Variants in NUP42 observed in about 807,000 individuals in gnomAD.
NUP42 encodes the protein nucleoporin NUP42.
A neutral mutation model predicts 35.9 loss-of-function variants in NUP42; 47 were observed. The observed-to-expected ratio is 1.31, with a 90% CI of 1.04 to 1.67. NUP42 has a LOEUF of 1.67. Ranked by LOEUF, NUP42 falls within the 40% of genes most tolerant of loss-of-function variation. The pLI is 0.00. For synonymous variants in NUP42, 173 were observed against 173.3 expected, an observed-to-expected ratio of 1.00 and a Z score of 0.01; for missense variants, 514 against 492.2, an observed-to-expected ratio of 1.04 and a Z score of -0.42.
At chr7:23,183,465 C>T (rs111897200) in intron 1 of NUP42, among the ~76,000 whole-genome samples, 2 of 152,202 alleles carry the variant, frequency 1.3e-5, no homozygotes, top group African/African-American at 4.8e-5. Flanking sequence ...AGGTGATACT[C>T]CCGCTTCCGT....
intron 2 of NUP42, among the ~76,000 whole-genome samples, chr7:23,185,931 G>A (rs1785577833): frequency 6.6e-6 from 1 of 151,950 alleles, no homozygotes; most frequent in Admixed American, 6.6e-5. Context: ...GTAGAGATAG[G>A]GTTTTACCAT....
intron 1 of NUP42, among the ~76,000 whole-genome samples, chr7:23,184,694 T>C (rs770343693): frequency 6.6e-6 from 1 of 152,198 alleles, no homozygotes; most frequent in Non-Finnish European, 1.5e-5. Context: ...TAAGATATAA[T>C]GAAGATTTTT....
rs371807982 is a variant in NUP42, at chr7:23,185,270, G to T, written c.322G>T (p.Asp108Tyr). 1 of 1,612,660 alleles carries T rather than the reference G, an allele frequency of 6.2e-7. No homozygotes were observed. ...GAACCCATTTGCTTCACTTAGTCCTGATGAGCAGAAAGATGAAAAGAAACT... is the reference window on the plus strand; with the variant it reads ...GAACCCATTTGCTTCACTTAGTCCTTATGAGCAGAAAGATGAAAAGAAACT... ...SENPFASLSP[D>Y]EQKDEKKLLE... is the part of the protein sequence containing the mutation. The change falls in exon 2 of 7, where the codon GAT (aspartate) becomes TAT (tyrosine). Residue 108 changes from aspartate to tyrosine, a missense_variant. By Grantham distance (160) the Asp-to-Tyr change is radical. Coordinates refer to ENST00000258742, the MANE Select transcript of NUP42 (RefSeq NM_007342.3).
chr7:23,190,707 G>A (rs780590829), intron 3 of NUP42, among the ~76,000 whole-genome samples: 1 of 152,070 alleles, frequency 6.6e-6, no homozygotes, highest in Non-Finnish European at 1.5e-5. Context: ...TGCTTTTGGT[G>A]TTTTAGACAT....
intron 1 of NUP42, among the ~76,000 whole-genome samples, chr7:23,184,435 G>C (rs1244811680): frequency 6.6e-6 from 1 of 152,144 alleles, no homozygotes; most frequent in Admixed American, 6.5e-5. Flanking sequence ...TATGATGCAT[G>C]CCTTCTGTCA....
In NUP42 at chr7:23,182,599, G is replaced by GA. The variant is rs750081440; in HGVS notation, c.121+399dup. 14 of 786,846 alleles carry GA rather than the reference G, an allele frequency of 1.8e-5. 1 individual carries two copies. In the East Asian group the frequency reaches 8.6e-4, roughly 48 times the overall value. The allele number at this position is 786,846 out of a possible 1,614,324, so 48.7% of individuals were successfully genotyped here. A position where few individuals can be genotyped will look rare whatever the true frequency, so the allele number is the denominator to read the frequency against. The stretch of plus-strand genomic sequence containing the variant: ...TTTTGGAGAAGTCGTGGACTTCTTT[G>GA]AAAAAATCTAATAAAACCGGCCGGG... On this transcript the variant is annotated intron_variant, in intron 1 of 6. Transcript: ENST00000258742.
chr7:23,192,738 C>T (rs993725972), intron 3 of NUP42, among the ~76,000 whole-genome samples: 2 of 151,250 alleles, frequency 1.3e-5, no homozygotes, highest in African/African-American at 4.8e-5. Context: ...TACAAGTGGC[C>T]CCTGTACAAG....
chr7:23,188,548 T>C, intron 3 of NUP42: 1 of 984,710 alleles, frequency 1.0e-6, no homozygotes, highest in Non-Finnish European at 1.2e-6. Context: ...TTCCTGAATA[T>C]AGTTGTCAGA....
chr7:23,182,500 G>T, intron 1 of NUP42: 13 of 1,158,954 alleles, frequency 1.1e-5, no homozygotes, highest in Non-Finnish European at 1.4e-5. Context: ...GTAAATGCCG[G>T]AATTGAATAT....
chr7:23,200,527 T>C lies in NUP42; in HGVS notation c.1054T>C (p.Ser352Pro). Residue 352 changes from serine to proline, a missense_variant, in exon 7 of 7, where the codon TCT (serine) becomes CCT (proline). Physicochemically the swap from Ser to Pro is moderately conservative, Grantham distance 74. Transcript: ENST00000258742. ...TGGTTTTGGTAGTCCGGGCTCACAT[T>C]CTCACACTGCTTTTTCTAAGCCATC... ...VAGFGSPGSH[S>P]HTAFSKPSSD... The C allele has an allele frequency of 1.2e-6, 2 of 1,614,086 alleles. No homozygotes were observed. The highest frequency in any genetic ancestry group is 1.7e-6 in the Non-Finnish European group (2 of 1,179,952).
intron 1 of NUP42, among the ~76,000 whole-genome samples, chr7:23,183,192 G>C (rs1208357839): frequency 1.3e-5 from 2 of 152,028 alleles, no homozygotes; most frequent in Non-Finnish European, 2.9e-5. Flanking sequence ...TTAATAATTC[G>C]GTGCTGTCTC....
chr7:23,198,610 G>A (rs1293435995), intron 5 of NUP42, among the ~76,000 whole-genome samples: 1 of 152,198 alleles, frequency 6.6e-6, no homozygotes, highest in Non-Finnish European at 1.5e-5. Flanking sequence ...AAAGTTCCTT[G>A]AAAGTAGGAT....
chr7:23,190,754 A>G (rs981130505), intron 3 of NUP42, among the ~76,000 whole-genome samples: 6 of 152,206 alleles, frequency 3.9e-5, no homozygotes, highest in Non-Finnish European at 5.9e-5. Flanking sequence ...AAACCTGCAC[A>G]TTGTGCACAT....
intron 3 of NUP42, chr7:23,188,010 T>G: frequency 1.9e-6 from 2 of 1,051,148 alleles, no homozygotes; most frequent in Non-Finnish European, 2.7e-6. Context: ...ATTTTTTATT[T>G]TTATTTTTTT....
Position 23,195,916 on chromosome 7 carries a change from G to A in NUP42, c.522+1G>A. 1 of 1,570,114 alleles carries A rather than the reference G, an allele frequency of 6.4e-7. No homozygotes were observed. Among genetic ancestry groups the A allele is most frequent in the South Asian group, 1.1e-5 (1 of 87,826 alleles). Reference sequence around the variant, plus strand: ...AACCAGCAATAACTTACAGAGTTATGTAAGTTTGTTTCCTATTAATCTACT... The same window carrying A: ...AACCAGCAATAACTTACAGAGTTATATAAGTTTGTTTCCTATTAATCTACT... On this transcript the variant is annotated splice_donor_variant, in intron 4 of 6. Coordinates refer to ENST00000258742, the MANE Select transcript of NUP42 (RefSeq NM_007342.3). LOFTEE classifies it high-confidence loss of function.
intron 3 of NUP42, chr7:23,188,486 C>T (rs1785681598): frequency 1.0e-6 from 1 of 985,240 alleles, no homozygotes; most frequent in African/African-American, 1.7e-5. Flanking sequence ...TAATCCATTC[C>T]AAATTGAACC....
intron 4 of NUP42, 87 bp downstream of exon 4, chr7:23,196,002 C>A: frequency 1.4e-6 from 1 of 716,490 alleles, no homozygotes; most frequent in Non-Finnish European, 2.3e-6. Context: ...TTTGGCAAAA[C>A]CGATGAGGTC....
chr7:23,186,310 TATAC>T (rs1785594078), intron 2 of NUP42, among the ~76,000 whole-genome samples: 1 of 152,240 alleles, frequency 6.6e-6, no homozygotes, highest in Non-Finnish European at 1.5e-5. Context: ...TCATATACCA[TATAC>T]AACCGATTTT....
At position 23,200,865 on chromosome 7, in the gene NUP42, G is replaced by T. The variant is rs1249272930; in HGVS notation, c.*120G>T. On this transcript the variant is annotated 3_prime_UTR_variant, in exon 7 of 7. Transcript: ENST00000258742. ...AGGAATATAAGCTTCCATCAATAGT[G>T]ATTTTAAATTTGATTTTTTTCTTAA... is the stretch of plus-strand genomic sequence containing the variant. 3.9e-6 allele frequency: 2 copies of T among 507,374 alleles called. No homozygotes were observed. Among genetic ancestry groups the T allele is most frequent in the East Asian group, 3.5e-5 (1 of 28,246 alleles). 31.4% of individuals were successfully genotyped at this position (507,374 alleles called of 1,614,324 possible). A position where few individuals can be genotyped will look rare whatever the true frequency, so the allele number is the denominator to read the frequency against.
Sources: allele counts gnomAD v4.1 joint callset (sites outside exome capture counted in the v4.1 genomes callset), GRCh38; gene constraint gnomAD v4.1.1; transcripts MANE v1.5; gene names NCBI Gene and HGNC (gene_info 2026-07-23, HGNC 2026-07-21).